Variants in GSK3B observed in about 807,000 individuals in gnomAD.
GSK3B encodes glycogen synthase kinase 3 beta.
Under a neutral mutation model 56.4 loss-of-function variants are expected in GSK3B, and 15 were observed. The observed-to-expected ratio is 0.27, with a 90% CI of 0.18 to 0.41. The LOEUF (loss-of-function observed/expected upper bound fraction) is 0.41, where lower values mean the gene tolerates loss of function less well. Ranked by LOEUF, GSK3B falls within the 10% of genes least tolerant of loss-of-function variation. The pLI is 1.00. For synonymous variants in GSK3B, 181 were observed against 188.9 expected (o/e 0.96, Z 0.34); for missense variants, 300 against 513.4 (o/e 0.58, Z 4.02).
At chr3:119,906,883 GAAA>G (rs1382215128) in intron 6 of GSK3B, among the ~76,000 whole-genome samples, 1 of 152,042 alleles carries the variant, frequency 6.6e-6, no homozygotes, top group Non-Finnish European at 1.5e-5. Flanking sequence ...AGAGAGACTG[GAAA>G]TCGTTGCTCC....
intron 8 of GSK3B, among the ~76,000 whole-genome samples, chr3:119,864,144 T>C (rs2056146102): frequency 6.6e-6 from 1 of 152,208 alleles, no homozygotes; most frequent in Non-Finnish European, 1.5e-5. Context: ...AATTCTTGAA[T>C]ACCTAGAATT....
chr3:119,862,506 C>G (rs2056118270), intron 9 of GSK3B, among the ~76,000 whole-genome samples: 1 of 94,554 alleles, frequency 1.1e-5, no homozygotes, highest in South Asian at 4.2e-4. Flanking sequence ...CACATGTACC[C>G]TAAAACTTAG....
At chr3:119,912,144 T>C (rs966443296) in intron 6 of GSK3B, among the ~76,000 whole-genome samples, 8 of 152,156 alleles carry the variant, frequency 5.3e-5, no homozygotes, top group Non-Finnish European at 8.8e-5. Flanking sequence ...GAGTTATTAA[T>C]TGGCCTAATT....
chr3:119,827,316 A>T (rs2055526733), intron 10 of GSK3B, among the ~76,000 whole-genome samples: 2 of 152,192 alleles, frequency 1.3e-5, no homozygotes, highest in African/African-American at 4.8e-5. Context: ...GGCAGAACAG[A>T]CCCTCTTCAT....
chr3:120,018,483 T>A (rs2057845700), intron 1 of GSK3B, among the ~76,000 whole-genome samples: 2 of 152,148 alleles, frequency 1.3e-5, no homozygotes, highest in Admixed American at 1.3e-4. Context: ...CAGCAATGAC[T>A]CTATAGTATT....
intron 4 of GSK3B, among the ~76,000 whole-genome samples, chr3:119,919,247 T>C (rs188023818): frequency 5.3e-5 from 8 of 152,290 alleles, no homozygotes; most frequent in Non-Finnish European, 7.4e-5. Context: ...TCTGGTAACA[T>C]GTATGCCAAA....
At chr3:119,847,475 C>T (rs530856651) in intron 9 of GSK3B, among the ~76,000 whole-genome samples, 3 of 151,806 alleles carry the variant, frequency 2.0e-5, no homozygotes, top group Non-Finnish European at 4.4e-5. Flanking sequence ...AGCGAAACTC[C>T]GTCTCAAAAA....
At chr3:119,847,537 A>T (rs1449816019) in intron 9 of GSK3B, among the ~76,000 whole-genome samples, 1 of 152,128 alleles carries the variant, frequency 6.6e-6, no homozygotes, top group Non-Finnish European at 1.5e-5. Flanking sequence ...AAAAAAACCC[A>T]CATGACAAAC....
intron 1 of GSK3B, among the ~76,000 whole-genome samples, chr3:120,049,647 A>ATTT (rs1344221778): frequency 2.6e-5 from 4 of 152,234 alleles, no homozygotes; most frequent in African/African-American, 9.6e-5. Flanking sequence ...ATTCTGTAAC[A>ATTT]AATGAGTAGT....
chr3:120,055,315 G>A (rs2107546601), intron 1 of GSK3B, among the ~76,000 whole-genome samples: 1 of 152,230 alleles, frequency 6.6e-6, no homozygotes. Context: ...AATGGTGCAG[G>A]AATGTATGTA....
At chr3:120,077,924 TA>T (rs528622323) in intron 1 of GSK3B, among the ~76,000 whole-genome samples, 43 of 152,076 alleles carry the variant, frequency 2.8e-4, no homozygotes, top group African/African-American at 7.7e-4. Flanking sequence ...ATAAATCAAT[TA>T]AAAAAATATA....
At chr3:119,932,743 CTGATT>C (rs1033974014) in intron 3 of GSK3B, among the ~76,000 whole-genome samples, 4 of 152,094 alleles carry the variant, frequency 2.6e-5, no homozygotes, top group African/African-American at 9.6e-5. Context: ...TGATAAAAGC[CTGATT>C]TGTTTTTCTT....
rs1577295895 is a variant in GSK3B, at chr3:119,825,800, T to C, written c.*988A>G. The C allele has an allele frequency of 2.3e-5, 5 of 220,146 alleles. No individual in the cohort carries two copies. The East Asian group carries it at 3.4e-4, about 15-fold the overall frequency. 13.6% of individuals were successfully genotyped at this position (220,146 alleles called of 1,614,324 possible). ...TACAGTTCACATTATTTAACTACAA[T>C]GTCCTCTCAAGTGTATCTTTCCAAG... On this transcript the variant is annotated 3_prime_UTR_variant, in exon 11 of 11. Transcript: ENST00000264235.
At chr3:119,951,148 T>C (rs2057152648) in intron 2 of GSK3B, among the ~76,000 whole-genome samples, 1 of 152,200 alleles carries the variant, frequency 6.6e-6, no homozygotes, top group African/African-American at 2.4e-5. Flanking sequence ...CATAACTGTC[T>C]GACAGGCAGT....
chr3:119,836,160 G>C (rs1005077423), intron 10 of GSK3B, among the ~76,000 whole-genome samples: 1 of 152,164 alleles, frequency 6.6e-6, no homozygotes, highest in African/African-American at 2.4e-5. Context: ...GAACAAATAG[G>C]TATGATTTTG....
At chr3:119,996,258 G>C (rs2057616702) in intron 2 of GSK3B, among the ~76,000 whole-genome samples, 1 of 152,192 alleles carries the variant, frequency 6.6e-6, no homozygotes, top group Non-Finnish European at 1.5e-5. Flanking sequence ...TTAAACCACT[G>C]TCTGTACATC....
chr3:119,860,411 T>C (rs2056086970), intron 9 of GSK3B, among the ~76,000 whole-genome samples: 1 of 152,154 alleles, frequency 6.6e-6, no homozygotes, highest in South Asian at 2.1e-4. Context: ...GAAGCTTCAG[T>C]GCTGGAAAAA....
chr3:119,899,387 A>G (rs2056603756), intron 7 of GSK3B, among the ~76,000 whole-genome samples: 1 of 152,126 alleles, frequency 6.6e-6, no homozygotes, highest in South Asian at 2.1e-4. Context: ...CAGTAATAGT[A>G]GTAGTAGTGA....
At chr3:120,078,028 A>G (rs1406332552) in intron 1 of GSK3B, among the ~76,000 whole-genome samples, 1 of 152,210 alleles carries the variant, frequency 6.6e-6, no homozygotes, top group African/African-American at 2.4e-5. Flanking sequence ...TGCTTGGCAC[A>G]CAATAAACAT....
Sources: allele counts gnomAD v4.1 joint callset (sites outside exome capture counted in the v4.1 genomes callset), GRCh38; gene constraint gnomAD v4.1.1; transcripts MANE v1.5; gene names NCBI Gene and HGNC (gene_info 2026-07-23, HGNC 2026-07-21).